Variants in HIVEP1 observed in about 807,000 individuals in gnomAD.
HIVEP1 encodes the protein zinc finger protein 40.
Under a neutral mutation model 180.0 loss-of-function variants are expected in HIVEP1, and 36 were observed. The ratio of observed to expected loss-of-function variants is 0.20; its 90% CI spans 0.15 to 0.26. The LOEUF (loss-of-function observed/expected upper bound fraction) is 0.26. Among genes scored for constraint, HIVEP1 ranks in the 10% least tolerant of loss-of-function variants. The pLI is 1.00. For missense variants in HIVEP1, 3,143 were observed against 3,268.7 expected, an observed-to-expected ratio of 0.96 and a Z score of 0.94; for synonymous variants, 1,239 against 1,239.0, an observed-to-expected ratio of 1.00 and a Z score of 0.00.
At position 12,121,508 on chromosome 6, in the gene HIVEP1, C is replaced by G; in HGVS notation, c.1713C>G (p.Ser571=). ...TTGTGGTCCACCATGTCACTGTGTCCCCCTTAAGAACTGACAGTCCAAAGG... is the reference window on the plus strand; with the variant it reads ...TTGTGGTCCACCATGTCACTGTGTCGCCCTTAAGAACTGACAGTCCAAAGG... ...PKVVVHHVTV[S]PLRTDSPKAM... Residue 571 remains serine, a synonymous_variant, in exon 4 of 9, where the codon TCC becomes TCG. Coordinates refer to ENST00000379388, the MANE Select transcript of HIVEP1 (RefSeq NM_002114.4). The surrounding 1 kb of genome is among the most constrained non-coding windows in gnomAD (Gnocchi z 5.3). The G allele has an allele frequency of 6.2e-7, 1 of 1,614,118 alleles. No homozygotes were observed. The highest frequency in any genetic ancestry group is 8.5e-7 in the Non-Finnish European group (1 of 1,180,020).
chr6:12,106,059 T>C (rs375076998), intron 3 of HIVEP1, among the ~76,000 whole-genome samples: 11 of 151,592 alleles, frequency 7.3e-5, no homozygotes, highest in African/African-American at 2.4e-4. Flanking sequence ...CACACACACA[T>C]ATATACATAT....
intron 2 of HIVEP1, among the ~76,000 whole-genome samples, chr6:12,079,550 G>A (rs1033977811): frequency 3.3e-5 from 5 of 152,074 alleles, no homozygotes; most frequent in African/African-American, 4.8e-5. Flanking sequence ...ATATTGCTTC[G>A]AAGAGCTGGC....
chr6:12,199,360 C>CTTTTTTTTT, the HIVEP1 span, among the ~76,000 whole-genome samples: 3 of 109,444 alleles, frequency 2.7e-5, no homozygotes, highest in Admixed American at 1.1e-4. Flanking sequence ...ACTGTCAATC[C>CTTTTTTTTT]TTTTTTTTTT....
the HIVEP1 span, among the ~76,000 whole-genome samples, chr6:12,176,932 G>C: frequency 2.0e-5 from 3 of 152,178 alleles, no homozygotes; most frequent in Non-Finnish European, 4.4e-5. Flanking sequence ...ATCAGTGACA[G>C]ATTGTATAAA....
chr6:12,010,175 T>C (rs1767199309), upstream of HIVEP1, among the ~76,000 whole-genome samples: 1 of 152,230 alleles, frequency 6.6e-6, no homozygotes, highest in African/African-American at 2.4e-5. Context: ...AAATGAGAGA[T>C]GGTTATAGCA....
At chr6:12,085,817 A>G (rs1338786401) in intron 2 of HIVEP1, among the ~76,000 whole-genome samples, 1 of 152,174 alleles carries the variant, frequency 6.6e-6, no homozygotes, top group Non-Finnish European at 1.5e-5. Flanking sequence ...AAGATTATGT[A>G]ATTTCTATAA....
the HIVEP1 span, among the ~76,000 whole-genome samples, chr6:12,196,612 T>C: frequency 1.3e-5 from 2 of 152,216 alleles, no homozygotes; most frequent in Non-Finnish European, 1.5e-5. Flanking sequence ...TGACATAACT[T>C]CCTGCTTCAA....
chr6:12,148,608 A>G (rs1759512101), intron 7 of HIVEP1, among the ~76,000 whole-genome samples: 2 of 152,160 alleles, frequency 1.3e-5, no homozygotes, highest in Non-Finnish European at 2.9e-5. Flanking sequence ...CATAATTCGA[A>G]TATTAGTCAT....
intron 2 of HIVEP1, among the ~76,000 whole-genome samples, chr6:12,025,471 T>C (rs1041836120): frequency 6.6e-6 from 1 of 152,226 alleles, no homozygotes; most frequent in African/African-American, 2.4e-5. Context: ...TTACATGATT[T>C]GCTTAATTTT....
chr6:12,198,897 A>T, the HIVEP1 span, among the ~76,000 whole-genome samples: 1 of 152,346 alleles, frequency 6.6e-6, no homozygotes, highest in East Asian at 1.9e-4. Context: ...CTAGTTGACA[A>T]ATAAAATTAA....
chr6:12,013,922 G>A (rs181555581), intron 1 of HIVEP1, among the ~76,000 whole-genome samples: 1 of 152,256 alleles, frequency 6.6e-6, no homozygotes, highest in Non-Finnish European at 1.5e-5. Flanking sequence ...GAAGTTAATC[G>A]TGGCCTTCTT....
Position 12,125,730 on chromosome 6 carries a change from G to T in HIVEP1, c.5935G>T (p.Gly1979Cys). 1 of 1,614,098 alleles carries T rather than the reference G, an allele frequency of 6.2e-7. No individual in the cohort carries two copies. The highest frequency in any genetic ancestry group is 1.6e-4 in the Middle Eastern group (1 of 6,062). ...AAGCGCCAGTAATCCAAATCCACTC[G>T]GTTTGCCCACAAAAGTTGCACTTGC... ...TVSASNPNPLGLPTKVALALL... is the reference protein window; with the variant it reads ...TVSASNPNPLCLPTKVALALL... The change falls in exon 4 of 9, where the codon GGT becomes TGT. Residue 1979 changes from glycine (G) to cysteine (C), a missense_variant. Transcript: ENST00000379388.
rs747731435 is a variant in HIVEP1, at chr6:12,122,822, G to C, written c.3027G>C (p.Gln1009His). Reference sequence around the variant, plus strand: ...CTGTGCCCGGCGGTCTGCAGCCTCAGATTCTACACTACAGAGTCGCTGGGT... The same window carrying C: ...CTGTGCCCGGCGGTCTGCAGCCTCACATTCTACACTACAGAGTCGCTGGGT... ...HSPVPGGLQPQILHYRVAGSS... is the reference protein window; with the variant it reads ...HSPVPGGLQPHILHYRVAGSS... Residue 1009 changes from glutamine to histidine, a missense_variant, in exon 4 of 9, where the codon CAG becomes CAC. Gln to His is a conservative substitution (Grantham distance 24). Coordinates refer to ENST00000379388, the MANE Select transcript of HIVEP1 (RefSeq NM_002114.4). The C allele has an allele frequency of 1.7e-5, 28 of 1,613,682 alleles. No individual in the cohort carries two copies. The highest frequency in any genetic ancestry group is 2.3e-5 in the Non-Finnish European group (27 of 1,179,930).
intron 2 of HIVEP1, among the ~76,000 whole-genome samples, chr6:12,044,372 T>A (rs1769976670): frequency 6.6e-6 from 1 of 152,228 alleles, no homozygotes; most frequent in African/African-American, 2.4e-5. Context: ...TTCAGTTGAA[T>A]TTTAAAACAG....
At chr6:12,052,000 T>C (rs909035407) in intron 2 of HIVEP1, among the ~76,000 whole-genome samples, 1 of 152,218 alleles carries the variant, frequency 6.6e-6, no homozygotes, top group Non-Finnish European at 1.5e-5. Flanking sequence ...ACTTTCCAAC[T>C]GAGGATAGCA....
intron 2 of HIVEP1, among the ~76,000 whole-genome samples, chr6:12,017,397 G>C (rs956593871): frequency 6.6e-6 from 1 of 152,238 alleles, no homozygotes; most frequent in African/African-American, 2.4e-5. Flanking sequence ...GCTGGTTCAG[G>C]AGTGAAGCTG....
intron 3 of HIVEP1, among the ~76,000 whole-genome samples, chr6:12,111,664 G>T (rs928169022): frequency 1.3e-5 from 2 of 152,208 alleles, no homozygotes; most frequent in East Asian, 3.8e-4. Context: ...GGCAGGTCAG[G>T]TCTCATTTCC....
chr6:12,090,506 A>T (rs1288448354), intron 3 of HIVEP1, among the ~76,000 whole-genome samples: 1 of 151,960 alleles, frequency 6.6e-6, no homozygotes, highest in African/African-American at 2.4e-5. Flanking sequence ...AGCACCCCTC[A>T]TGTCTGCCTT....
At chr6:12,159,380 A>T (rs933550952) in intron 7 of HIVEP1, among the ~76,000 whole-genome samples, 1 of 149,922 alleles carries the variant, frequency 6.7e-6, no homozygotes, top group African/African-American at 2.4e-5. Flanking sequence ...ACTTCTTTAA[A>T]GAAGATGCGT....
Sources: allele counts gnomAD v4.1 joint callset (sites outside exome capture counted in the v4.1 genomes callset), GRCh38; gene constraint gnomAD v4.1.1; non-coding constraint Gnocchi (gnomAD v3.1); transcripts MANE v1.5; gene names NCBI Gene and HGNC (gene_info 2026-07-23, HGNC 2026-07-21).